The following NPAS3 variants were observed in gnomAD, a reference collection of about 807,000 sequenced individuals.
NPAS3 encodes neuronal PAS domain-containing protein 3.
A neutral mutation model predicts 73.1 loss-of-function variants in NPAS3; 14 were observed. The ratio of observed to expected loss-of-function variants is 0.19; its 90% CI spans 0.13 to 0.30. The LOEUF (loss-of-function observed/expected upper bound fraction) is 0.30, where lower values mean the gene tolerates loss of function less well. NPAS3 is among the 10% of genes least tolerant of loss of function. NPAS3 has a pLI of 1.00. For synonymous variants in NPAS3, 620 were observed against 541.5 expected (o/e 1.14, Z -2.01); for missense variants, 1,096 against 1,250.0 (o/e 0.88, Z 1.86).
chr14:33,381,694 A>G (rs2046560740), intron 4 of NPAS3, among the ~76,000 whole-genome samples: 1 of 152,232 alleles, frequency 6.6e-6, no homozygotes, highest in African/African-American at 2.4e-5. Context: ...AAATTATTTT[A>G]CAATGGAAGT....
intron 2 of NPAS3, among the ~76,000 whole-genome samples, chr14:33,147,461 A>G (rs2139215520): frequency 6.6e-6 from 1 of 152,148 alleles, no homozygotes; most frequent in Middle Eastern, 3.4e-3. Context: ...GTAAACCACA[A>G]ATAGCCAATA....
chr14:33,764,990 T>A (rs1449572451), intron 7 of NPAS3, among the ~76,000 whole-genome samples: 2 of 152,172 alleles, frequency 1.3e-5, no homozygotes, highest in African/African-American at 4.8e-5. Flanking sequence ...ATAATCTCAT[T>A]AAGGAGATCT....
intron 4 of NPAS3, among the ~76,000 whole-genome samples, chr14:33,415,663 C>G (rs2048116190): frequency 6.6e-6 from 1 of 152,090 alleles, no homozygotes; most frequent in African/African-American, 2.4e-5. Context: ...ACTGTGGTTT[C>G]TCCATAGCAC....
At position 33,224,538 on chromosome 14, in the gene NPAS3, T is replaced by G. The variant is rs527575714; in HGVS notation, c.385+9112T>G. On this transcript the variant is annotated intron_variant, in intron 3 of 11. Transcript: ENST00000356141. Reference sequence around the variant, plus strand: ...TTCTAAAGGAAGGCCAATAGATATTTTTTTTGTTAAAAGACCAGATTGCCT... The same window carrying G: ...TTCTAAAGGAAGGCCAATAGATATTGTTTTTGTTAAAAGACCAGATTGCCT... 1.5e-3 allele frequency among the ~76,000 whole-genome samples: 225 copies of G among 152,176 alleles called. 8 individuals are homozygous for G. The South Asian group carries it at 0.043, about 29-fold the overall frequency.
chr14:33,502,627 A>G (rs1595043387), intron 4 of NPAS3, among the ~76,000 whole-genome samples: 1 of 151,734 alleles, frequency 6.6e-6, no homozygotes, highest in African/African-American at 2.4e-5. Flanking sequence ...CCTGTTATGA[A>G]GTAGTATTTT....
intron 2 of NPAS3, among the ~76,000 whole-genome samples, chr14:33,075,221 T>C (rs1455768281): frequency 2.0e-5 from 3 of 152,164 alleles, no homozygotes; most frequent in African/African-American, 7.2e-5. Flanking sequence ...CTTAAAAATA[T>C]CTTGGTTAAC....
chr14:33,205,782 A>T (rs2046798927), intron 2 of NPAS3, among the ~76,000 whole-genome samples: 1 of 152,192 alleles, frequency 6.6e-6, no homozygotes, highest in South Asian at 2.1e-4. Flanking sequence ...TTCATACATA[A>T]AGATCTTTAA....
intron 1 of NPAS3, among the ~76,000 whole-genome samples, chr14:33,028,680 T>A (rs1461611247): frequency 6.6e-6 from 1 of 152,128 alleles, no homozygotes; most frequent in East Asian, 1.9e-4. Context: ...CTGGAGTAGT[T>A]GTGTACAGGT....
chr14:33,652,497 C>G (rs2059023527), intron 5 of NPAS3, among the ~76,000 whole-genome samples: 1 of 152,164 alleles, frequency 6.6e-6, no homozygotes, highest in Non-Finnish European at 1.5e-5. Flanking sequence ...CTCCTAAAAC[C>G]CTTGTGATGG....
chr14:33,234,799 A>G (rs1266243561), intron 3 of NPAS3, among the ~76,000 whole-genome samples: 1 of 152,090 alleles, frequency 6.6e-6, no homozygotes, highest in Non-Finnish European at 1.5e-5. Flanking sequence ...GTAGACTTCA[A>G]GCTTGTATCA....
At chr14:33,501,112 GA>G (rs1462837797) in intron 4 of NPAS3, among the ~76,000 whole-genome samples, 1 of 151,860 alleles carries the variant, frequency 6.6e-6, no homozygotes, top group Non-Finnish European at 1.5e-5. Context: ...ATATTTCCTT[GA>G]AAATAAATCC....
intron 2 of NPAS3, among the ~76,000 whole-genome samples, chr14:33,197,559 A>G (rs1478797502): frequency 6.6e-6 from 1 of 152,156 alleles, no homozygotes; most frequent in Non-Finnish European, 1.5e-5. Context: ...TGCTCCTGTA[A>G]TGGAAGCAAA....
At chr14:33,594,032 T>G (rs2139960657) in intron 5 of NPAS3, among the ~76,000 whole-genome samples, 1 of 152,318 alleles carries the variant, frequency 6.6e-6, no homozygotes, top group East Asian at 1.9e-4. Context: ...GGATCTGTCT[T>G]TTATTTCTGA....
intron 5 of NPAS3, among the ~76,000 whole-genome samples, chr14:33,610,441 T>C (rs1274018971): frequency 6.6e-6 from 1 of 152,194 alleles, no homozygotes; most frequent in Non-Finnish European, 1.5e-5. Flanking sequence ...CTCCTTTTTT[T>C]TCACAATTTT....
chr14:33,775,284 C>G (rs541585135), intron 8 of NPAS3, among the ~76,000 whole-genome samples: 7 of 152,236 alleles, frequency 4.6e-5, no homozygotes, highest in Non-Finnish European at 1.0e-4. Flanking sequence ...GAGGAGCCGC[C>G]CACATACCAG....
chr14:33,697,387 T>A (rs1357004822), intron 6 of NPAS3, among the ~76,000 whole-genome samples: 1 of 152,150 alleles, frequency 6.6e-6, no homozygotes, highest in African/African-American at 2.4e-5. Flanking sequence ...ATTAGGATGA[T>A]CACAAGTTAA....
At chr14:33,463,819 C>T (rs138116654) in intron 4 of NPAS3, among the ~76,000 whole-genome samples, 13 of 152,238 alleles carry the variant, frequency 8.5e-5, no homozygotes, top group Admixed American at 2.6e-4. Flanking sequence ...CACTAACTGC[C>T]GCCACAGTGA....
intron 1 of NPAS3, among the ~76,000 whole-genome samples, chr14:32,945,651 G>A (rs909156286): frequency 6.6e-6 from 1 of 152,170 alleles, no homozygotes. Flanking sequence ...AGAGATTTCC[G>A]AGCCAATATC....
intron 1 of NPAS3, among the ~76,000 whole-genome samples, chr14:33,032,540 C>G (rs901146062): frequency 6.6e-6 from 1 of 152,190 alleles, no homozygotes; most frequent in African/African-American, 2.4e-5. Context: ...AAGGCTTTCT[C>G]TGACTGCTGA....
Sources: allele counts gnomAD v4.1 joint callset (sites outside exome capture counted in the v4.1 genomes callset), GRCh38; gene constraint gnomAD v4.1.1; transcripts MANE v1.5; gene names NCBI Gene and HGNC (gene_info 2026-07-23, HGNC 2026-07-21).